The following ST3GAL3 variants were observed in gnomAD, a reference collection of about 807,000 sequenced individuals.
The protein encoded by ST3GAL3 is CMP-N-acetylneuraminate-beta-1,4-galactoside alpha-2,3-sialyltransferase.
Under a neutral mutation model 50.1 loss-of-function variants are expected in ST3GAL3, and 21 were observed. The observed-to-expected ratio is 0.42, with a 90% CI of 0.30 to 0.60. ST3GAL3 has a LOEUF of 0.60. Among genes scored for constraint, ST3GAL3 ranks in the 20% least tolerant of loss-of-function variants. The pLI is 0.19. For synonymous variants in ST3GAL3, 183 were observed against 190.0 expected (o/e 0.96, Z 0.30); for missense variants, 353 against 489.4 (o/e 0.72, Z 2.63).
chr1:43,850,226 A>G (rs2067025741), intron 5 of ST3GAL3: 1 of 376,844 alleles, frequency 2.7e-6, no homozygotes, highest in Non-Finnish European at 5.2e-6. Context: ...CAGCTTGTAC[A>G]TCTCTCAAGG....
At position 43,875,168 on chromosome 1, in the gene ST3GAL3, G is replaced by C. The variant is rs1270845466; in HGVS notation, c.303-19215G>C. ...GATGAGAATTGCAGTAAGAATATAA[G>C]GAAGTAAAGGACAGTGAAAAGACGG... On this transcript the variant is annotated intron_variant, in intron 5 of 11. Transcript: ENST00000347631. Among the ~76,000 whole-genome samples the C allele has an allele frequency of 2.0e-5, 3 of 152,164 alleles. No individual in the cohort carries two copies. The East Asian group carries it at 5.8e-4, about 29-fold the overall frequency.
At chr1:43,914,350 C>T (rs1382896704) in intron 9 of ST3GAL3, 2 of 152,112 alleles carry the variant, frequency 1.3e-5, no homozygotes, top group East Asian at 3.9e-4. Context: ...ACATGGGCAC[C>T]AGAGAGACTC....
intron 9 of ST3GAL3, among the ~76,000 whole-genome samples, chr1:43,907,335 A>G (rs2079965987): frequency 6.6e-6 from 1 of 152,180 alleles, no homozygotes; most frequent in Non-Finnish European, 1.5e-5. Context: ...GCTTTCCTTC[A>G]GATCCAGCCA....
At chr1:43,903,949 A>T (rs1044287529) in intron 9 of ST3GAL3, among the ~76,000 whole-genome samples, 2 of 152,212 alleles carry the variant, frequency 1.3e-5, no homozygotes, top group African/African-American at 4.8e-5. Flanking sequence ...ATCTAGAAGC[A>T]TCTAGCATAG....
intron 3 of ST3GAL3, among the ~76,000 whole-genome samples, chr1:43,808,795 T>C (rs1051341950): frequency 6.6e-6 from 1 of 152,122 alleles, no homozygotes; most frequent in Non-Finnish European, 1.5e-5. Context: ...ATGGGAAAAC[T>C]ACCAGAATCT....
chr1:43,805,450 AG>A (rs1330621285), intron 3 of ST3GAL3, among the ~76,000 whole-genome samples: 1 of 152,248 alleles, frequency 6.6e-6, no homozygotes, highest in East Asian at 1.9e-4. Context: ...TGTGCATTGC[AG>A]GTTCATGAAT....
chr1:43,846,046 T>C (rs2066203409), intron 5 of ST3GAL3, among the ~76,000 whole-genome samples: 1 of 152,230 alleles, frequency 6.6e-6, no homozygotes, highest in South Asian at 2.1e-4. Context: ...ATCTGAGTTA[T>C]GGGACAAAAT....
chr1:43,916,709 A>G (rs866868406), intron 9 of ST3GAL3: 1 of 151,988 alleles, frequency 6.6e-6, no homozygotes, highest in African/African-American at 2.4e-5. Context: ...CAGCCCCCCG[A>G]GTGGCTGGGA....
chr1:43,764,605 A>G (rs747239788), intron 2 of ST3GAL3, among the ~76,000 whole-genome samples: 1 of 152,218 alleles, frequency 6.6e-6, no homozygotes, highest in Non-Finnish European at 1.5e-5. Flanking sequence ...TATAGGGGGA[A>G]AAATCGGGCC....
At chr1:43,923,964 G>T (rs2083477264) in intron 11 of ST3GAL3, among the ~76,000 whole-genome samples, 1 of 151,966 alleles carries the variant, frequency 6.6e-6, no homozygotes, top group African/African-American at 2.4e-5. Flanking sequence ...CTGCCCTCAT[G>T]ACCTGATCAC....
At position 43,743,117 on chromosome 1, in the gene ST3GAL3, G is replaced by GA. The variant is rs1310582555; in HGVS notation, c.118+6745dup. Among the ~76,000 whole-genome samples the GA allele has an allele frequency of 2.7e-5, 4 of 148,954 alleles. No homozygotes were observed. The East Asian group carries it at 7.8e-4, about 29-fold the overall frequency. On this transcript the variant is annotated intron_variant, in intron 2 of 11. Coordinates refer to ENST00000347631, the MANE Select transcript of ST3GAL3 (RefSeq NM_006279.5). ...AAAAAAAAAAAAGACAATTGGGCAG[G>GA]AAAAAAAATAACATTTTATTTTTTG...
At chr1:43,823,364 G>A (rs80203392) in intron 4 of ST3GAL3, among the ~76,000 whole-genome samples, 3 of 151,990 alleles carry the variant, frequency 2.0e-5, no homozygotes, top group South Asian at 2.1e-4. Flanking sequence ...TTTATCCTGC[G>A]CTCCTTGCTG....
intron 5 of ST3GAL3, among the ~76,000 whole-genome samples, chr1:43,853,080 A>G (rs2067645451): frequency 6.6e-6 from 1 of 152,222 alleles, no homozygotes; most frequent in African/African-American, 2.4e-5. Context: ...TCCTGCCAAT[A>G]TTTTGCCTCA....
chr1:43,854,973 G>A (rs2068058992), intron 5 of ST3GAL3, among the ~76,000 whole-genome samples: 1 of 152,024 alleles, frequency 6.6e-6, no homozygotes, highest in Non-Finnish European at 1.5e-5. Context: ...CTCTTCACTG[G>A]TTCCTTCTTA....
At chr1:43,822,020 T>C (rs191524334) in intron 4 of ST3GAL3, among the ~76,000 whole-genome samples, 8 of 152,178 alleles carry the variant, frequency 5.3e-5, no homozygotes, top group Admixed American at 1.3e-4. Flanking sequence ...TGAAAGAAAA[T>C]AGAGCAAGAC....
At chr1:43,804,091 G>A (rs1436608809) in intron 3 of ST3GAL3, among the ~76,000 whole-genome samples, 1 of 152,160 alleles carries the variant, frequency 6.6e-6, no homozygotes, top group East Asian at 1.9e-4. Context: ...TCTGTTCTTT[G>A]TACAGATCTG....
rs1679006833 is a variant in ST3GAL3, at chr1:43,737,475, T to A, written c.118+1095T>A. ...GGCAGTTTCAAGCCAGTTTTTAAAA[T>A]ATAGTGTTATATCCTTAATTTACTG... is the stretch of plus-strand genomic sequence containing the variant. On this transcript the variant is annotated intron_variant, in intron 2 of 11. Coordinates refer to ENST00000347631, the MANE Select transcript of ST3GAL3 (RefSeq NM_006279.5). The surrounding 1 kb of genome is among the most constrained non-coding windows in gnomAD (Gnocchi z 4.0). 6.6e-6 allele frequency: 1 copy of A among 152,256 alleles called. No individual in the cohort carries two copies. The highest frequency in any genetic ancestry group is 2.4e-5 in the African/African-American group (1 of 41,474). 9.4% of individuals were successfully genotyped at this position (152,256 alleles called of 1,614,324 possible). A position where few individuals can be genotyped will look rare whatever the true frequency, so the allele number is the denominator to read the frequency against.
intron 5 of ST3GAL3, among the ~76,000 whole-genome samples, chr1:43,890,573 C>A (rs754768021): frequency 1.3e-5 from 2 of 152,078 alleles, no homozygotes; most frequent in Non-Finnish European, 2.9e-5. Context: ...AAGAGAGAGA[C>A]GAAGTGGAAA....
intron 2 of ST3GAL3, among the ~76,000 whole-genome samples, chr1:43,766,410 A>T (rs982683619): frequency 2.0e-5 from 3 of 149,340 alleles, no homozygotes; most frequent in Non-Finnish European, 4.4e-5. Flanking sequence ...GTGGCGATTT[A>T]AAAAAAAATA....
Sources: allele counts gnomAD v4.1 joint callset (sites outside exome capture counted in the v4.1 genomes callset), GRCh38; gene constraint gnomAD v4.1.1; non-coding constraint Gnocchi (gnomAD v3.1); transcripts MANE v1.5; gene names NCBI Gene and HGNC (gene_info 2026-07-23, HGNC 2026-07-21).